MAGI2: variants seen among roughly 807,000 people sequenced by gnomAD.
MAGI2 encodes membrane associated guanylate kinase, WW and PDZ domain containing 2.
A neutral mutation model predicts 133.3 loss-of-function variants in MAGI2; 35 were observed. The observed-to-expected ratio is 0.26, with a 90% confidence interval of 0.20 to 0.35. The LOEUF (loss-of-function observed/expected upper bound fraction) is 0.35. Among genes scored for constraint, MAGI2 ranks in the 10% least tolerant of loss-of-function variants. The pLI is 1.00. For synonymous variants in MAGI2, 729 were observed against 710.6 expected (o/e 1.03, Z -0.41); for missense variants, 1,636 against 1,863.4 (o/e 0.88, Z 2.25).
chr7:78,133,034 T>A lies in MAGI2; in HGVS notation c.3058A>T (p.Ser1020Cys), dbSNP rs575549025. ...GCCATGGGACTCTGCTTCTCTGAGCTGGGTGCCGAGGTGGGGCTGTTGAGC... is the reference window on the plus strand; with the variant it reads ...GCCATGGGACTCTGCTTCTCTGAGCAGGGTGCCGAGGTGGGGCTGTTGAGC... Reference protein sequence around the residue: ...EELNSPTSAPSSEKQSPMAQQ... With the variant: ...EELNSPTSAPCSEKQSPMAQQ... The change falls in exon 18 of 22, where the codon AGC becomes TGC. Residue 1020 changes from serine (S) to cysteine (C), a missense_variant. Ser to Cys is a moderately radical substitution (Grantham distance 112, BLOSUM62 -1). Around this residue, in one of 5 missense-constraint regions of MAGI2, gnomAD observed 920 missense variants for 1,093.5 expected, o/e 0.84. Coordinates refer to ENST00000354212, the MANE Select transcript of MAGI2 (RefSeq NM_012301.4). 3 of 1,585,108 alleles carry A rather than the reference T, an allele frequency of 1.9e-6. No individual in the cohort carries two copies. In the South Asian group the frequency reaches 3.5e-5, roughly 18 times the overall value.
At chr7:78,817,371 T>C (rs990095436) in intron 2 of MAGI2, among the ~76,000 whole-genome samples, 10 of 152,216 alleles carry the variant, frequency 6.6e-5, no homozygotes, top group African/African-American at 1.9e-4. Context: ...TTTGAAAGGA[T>C]TGACTTCAGT....
At chr7:78,316,281 G>C (rs1365772706) in intron 9 of MAGI2, among the ~76,000 whole-genome samples, 2 of 151,886 alleles carry the variant, frequency 1.3e-5, no homozygotes, top group Non-Finnish European at 2.9e-5. Flanking sequence ...AATAAAACTG[G>C]GTGTATATAA....
intron 2 of MAGI2, among the ~76,000 whole-genome samples, chr7:78,645,642 T>G (rs1359723757): frequency 2.6e-5 from 2 of 78,084 alleles, no homozygotes; most frequent in South Asian, 9.5e-4. Flanking sequence ...ATAAGTGTGG[T>G]GTGTGTGTGT....
chr7:78,205,966 G>A (rs549808111), intron 10 of MAGI2, among the ~76,000 whole-genome samples: 3 of 152,148 alleles, frequency 2.0e-5, no homozygotes, highest in Non-Finnish European at 4.4e-5. Flanking sequence ...GCCAATGCTA[G>A]TGCCACAAAA....
At chr7:78,409,959 G>T (rs140716920) in intron 6 of MAGI2, among the ~76,000 whole-genome samples, 29 of 152,126 alleles carry the variant, frequency 1.9e-4, no homozygotes, top group Non-Finnish European at 8.8e-5. Context: ...GAGTAGAAAA[G>T]AAGAAAAGTT....
At chr7:78,114,295 ATGTAAATCATG>A (rs1279057984) in intron 20 of MAGI2, among the ~76,000 whole-genome samples, 1 of 152,200 alleles carries the variant, frequency 6.6e-6, no homozygotes, top group Non-Finnish European at 1.5e-5. Flanking sequence ...AATGAAGTAG[ATGTAAATCATG>A]CACCAATGAC....
At chr7:78,266,316 T>C (rs941579723) in intron 9 of MAGI2, among the ~76,000 whole-genome samples, 5 of 152,090 alleles carry the variant, frequency 3.3e-5, no homozygotes, top group South Asian at 2.1e-4. Context: ...TCCTCCCACC[T>C]CAGCTCCCCG....
intron 6 of MAGI2, among the ~76,000 whole-genome samples, chr7:78,388,029 T>C (rs1795557851): frequency 6.6e-6 from 1 of 152,188 alleles, no homozygotes; most frequent in African/African-American, 2.4e-5. Flanking sequence ...ACCCAACGGC[T>C]ATTAAACAGT....
intron 2 of MAGI2, among the ~76,000 whole-genome samples, chr7:78,678,703 T>C (rs909958306): frequency 6.6e-6 from 1 of 152,130 alleles, no homozygotes; most frequent in African/African-American, 2.4e-5. Flanking sequence ...TCCTTATCAA[T>C]ATAAAGTCCT....
In MAGI2 at chr7:78,029,292, G is replaced by A. The variant is rs1055725802; in HGVS notation, c.3707-9316C>T. 5.3e-5 allele frequency among the ~76,000 whole-genome samples: 8 copies of A among 152,314 alleles called. No homozygotes were observed. In the South Asian group the frequency reaches 1.7e-3, roughly 32 times the overall value. On this transcript the variant is annotated intron_variant, in intron 21 of 21. Coordinates refer to ENST00000354212, the MANE Select transcript of MAGI2 (RefSeq NM_012301.4). ...CGGACTGGTTTGGGAATGTGGGGAT[G>A]CCTAAGGATGAGTTTGAATGAGTAA...
At chr7:78,824,603 C>T (rs887097562) in intron 2 of MAGI2, among the ~76,000 whole-genome samples, 12 of 144,558 alleles carry the variant, frequency 8.3e-5, no homozygotes, top group East Asian at 6.2e-4. Flanking sequence ...ATATCCTTCA[C>T]GCACTTTTTG....
At chr7:78,645,128 G>T (rs1008130833) in intron 2 of MAGI2, among the ~76,000 whole-genome samples, 1 of 151,942 alleles carries the variant, frequency 6.6e-6, no homozygotes, top group African/African-American at 2.4e-5. Flanking sequence ...GTGTGTGTGT[G>T]TGTATGTCAG....
At chr7:79,159,249 G>A (rs750181102) in intron 1 of MAGI2, among the ~76,000 whole-genome samples, 1 of 151,958 alleles carries the variant, frequency 6.6e-6, no homozygotes, top group Non-Finnish European at 1.5e-5. Flanking sequence ...TCATCATAAG[G>A]AATTTTTTAA....
chr7:78,238,743 A>C (rs565376430), intron 10 of MAGI2, among the ~76,000 whole-genome samples: 46 of 152,150 alleles, frequency 3.0e-4, no homozygotes, highest in African/African-American at 8.2e-4. Flanking sequence ...GCTCACCAAC[A>C]GTCTATTCTC....
At chr7:79,262,045 C>G (rs968708688) in intron 1 of MAGI2, among the ~76,000 whole-genome samples, 1 of 152,134 alleles carries the variant, frequency 6.6e-6, no homozygotes, top group Non-Finnish European at 1.5e-5. Flanking sequence ...AAATTCTCTC[C>G]TAGTAGTATT....
intron 2 of MAGI2, among the ~76,000 whole-genome samples, chr7:78,703,420 A>G (rs1818276486): frequency 6.6e-6 from 1 of 152,010 alleles, no homozygotes; most frequent in Non-Finnish European, 1.5e-5. Context: ...TTTGTGGCAA[A>G]CATTTTGAGA....
rs1452435091 is a variant in MAGI2 at position 79,151,093 on chromosome 7, T to A, written c.302-143887A>T. ...AGCTTCCTCAGTGCTGCTTCTGTTATTGAAATTACCAGTTATTATCATTTT... is the reference window on the plus strand; with the variant it reads ...AGCTTCCTCAGTGCTGCTTCTGTTAATGAAATTACCAGTTATTATCATTTT... On this transcript the variant is annotated intron_variant, in intron 1 of 21. Coordinates refer to ENST00000354212, the MANE Select transcript of MAGI2 (RefSeq NM_012301.4). 2.0e-5 allele frequency among the ~76,000 whole-genome samples: 3 copies of A among 152,290 alleles called. No individual in the cohort carries two copies. In the East Asian group the frequency reaches 5.8e-4, roughly 29 times the overall value.
intron 1 of MAGI2, among the ~76,000 whole-genome samples, chr7:79,064,323 G>A (rs1814089287): frequency 6.6e-6 from 1 of 151,956 alleles, no homozygotes; most frequent in Non-Finnish European, 1.5e-5. Context: ...AAACAAGGAT[G>A]TCATGTGGTT....
At chr7:79,331,946 T>TAA (rs56251920) in intron 1 of MAGI2, among the ~76,000 whole-genome samples, 1,683 of 146,276 alleles carry the variant, frequency 0.012, 34 homozygotes, top group African/African-American at 0.041. Flanking sequence ...TAAAGTATAA[T>TAA]AAAAAAAAAA....
Sources: allele counts gnomAD v4.1 joint callset (sites outside exome capture counted in the v4.1 genomes callset), GRCh38; gene constraint gnomAD v4.1.1; regional missense constraint gnomAD v4.1.1; transcripts MANE v1.5; gene names NCBI Gene and HGNC (gene_info 2026-07-23, HGNC 2026-07-21).